TIMM21: variants seen among roughly 807,000 people sequenced by gnomAD.
TIMM21 encodes the protein translocase of inner mitochondrial membrane 21, also known as mitochondrial import inner membrane translocase subunit Tim21.
Under a neutral mutation model 27.7 loss-of-function variants are expected in TIMM21, and 30 were observed. That is an observed-to-expected ratio of 1.08 (90% CI 0.81 to 1.47). TIMM21 has a LOEUF of 1.47. TIMM21 is among the 40% of genes most tolerant of loss of function. The probability of loss-of-function intolerance (pLI) is 0.00; values close to 1 mark genes in which losing one functional copy is unlikely to be tolerated. For synonymous variants in TIMM21, 121 were observed against 114.4 expected (o/e 1.06, Z -0.37); for missense variants, 292 against 302.9 (o/e 0.96, Z 0.27).
At chr18:74,149,179 C>A in intron 1 of TIMM21, 70 bp downstream of exon 1, 1 of 1,499,984 alleles carries the variant, frequency 6.7e-7, no homozygotes, top group South Asian at 1.3e-5. Flanking sequence ...CCTTTTATAC[C>A]AAGTTCACTG....
intron 3 of TIMM21, chr18:74,157,596 T>G (rs1979984225): frequency 6.4e-6 from 1 of 156,128 alleles, no homozygotes; most frequent in Non-Finnish European, 1.4e-5. Flanking sequence ...TTTATTTGTT[T>G]GTTTGTTTGT....
In TIMM21 at chr18:74,151,947, C is replaced by T. The variant is rs553390725; in HGVS notation, c.301+2838C>T. ...CAGTGGTGTCTATGTTCCCCCCCCC[C>T]CCGGGGGGACCTCCAGCTCCTTCCG... On this transcript the variant is annotated intron_variant, in intron 1 of 5. Transcript: ENST00000169551. Among the ~76,000 whole-genome samples the T allele has an allele frequency of 1.6e-4, 24 of 147,390 alleles. 1 individual carries two copies. The South Asian group carries it at 2.4e-3, about 15-fold the overall frequency.
Position 74,158,231 on chromosome 18 carries a change from C to T in TIMM21, c.597C>T (p.Gly199=), listed in dbSNP as rs749813509. The T allele has an allele frequency of 6.2e-6, 10 of 1,614,114 alleles. No individual in the cohort carries two copies. The highest frequency in any genetic ancestry group is 8.5e-6 in the Non-Finnish European group (10 of 1,180,034). The change falls in exon 5 of 6, where the codon GGC becomes GGT. Residue 199 remains glycine (G), a synonymous_variant. Coordinates refer to ENST00000169551, the MANE Select transcript of TIMM21 (RefSeq NM_014177.3). ...CGTGTGTGAAATTCTACATTGAGGG[C>T]TCTGAGCCAGGGAAGCAAGGAACGG... The part of the protein sequence containing the change: ...KHTCVKFYIE[G]SEPGKQGTVY...
rs1277882621 is a variant in TIMM21 at position 74,158,082 on chromosome 18, T to C, written c.531T>C (p.His177=). Residue 177 remains histidine (H), a synonymous_variant, in exon 4 of 6, where the codon CAT becomes CAC. Coordinates refer to ENST00000169551, the MANE Select transcript of TIMM21 (RefSeq NM_014177.3). ...TGACAAGGCGGGGTCGCCGGCAGCA[T>C]GTCAGGTACTGTGGCTTGAATTCAG... ...GEVTRRGRRQ[H]VRFTEYVKDG... 8 of 1,614,084 alleles carry C rather than the reference T, an allele frequency of 5.0e-6. No individual in the cohort carries two copies. The highest frequency in any genetic ancestry group is 1.6e-4 in the Middle Eastern group (1 of 6,084).
At position 74,152,216 on chromosome 18, in the gene TIMM21, C is replaced by A. The variant is rs1465829165; in HGVS notation, c.302-2929C>A. Among the ~76,000 whole-genome samples the A allele has an allele frequency of 6.6e-6, 1 of 152,088 alleles. No homozygotes were observed. The highest frequency in any genetic ancestry group is 1.5e-5 in the Non-Finnish European group (1 of 67,970). On this transcript the variant is annotated intron_variant, in intron 1 of 5. Coordinates refer to ENST00000169551, the MANE Select transcript of TIMM21 (RefSeq NM_014177.3). This position sits in a 1 kb window ranked among gnomAD's most constrained non-coding sequence, Gnocchi z 4.1. ...TTACAACATTGACCTCAAGGGCCCC[C>A]TACCCAGCTTTAGGTTGCCTTTCCT...
At chr18:74,157,770 AT>A in intron 3 of TIMM21, 1 of 464,144 alleles carries the variant, frequency 2.2e-6, no homozygotes, top group Non-Finnish European at 3.8e-6. Context: ...TGATTTTTAT[AT>A]TTTTTAGTAG....
intron 1 of TIMM21, among the ~76,000 whole-genome samples, chr18:74,151,938 C>CTCCCCT (rs367622334): frequency 1.5e-5 from 1 of 67,308 alleles, no homozygotes; most frequent in African/African-American, 7.2e-5. Context: ...TGTCTATGTT[C>CTCCCCT]CCCCCCCCCC....
In TIMM21 at chr18:74,148,651, G is replaced by A. The variant is rs1979675925; in HGVS notation, c.-158G>A. ...ATCAGGTTCTCCCTGGAGACTTTTC[G>A]TTTTCATTTACGCTGCGGAAACTGA... On this transcript the variant is annotated 5_prime_UTR_variant, in exon 1 of 6. Transcript: ENST00000169551. 5 of 681,952 alleles carry A rather than the reference G, an allele frequency of 7.3e-6. No homozygotes were observed. In the South Asian group the frequency reaches 8.6e-5, roughly 12 times the overall value. 42.2% of individuals were successfully genotyped at this position (681,952 alleles called of 1,614,324 possible).
At position 74,155,531 on chromosome 18, in the gene TIMM21, G is replaced by A. The variant is rs116581614; in HGVS notation, c.462+128G>A. ...ATTCACATAATAATACATAATGGTC[G>A]AGTCATCATTACATTATTAGGTCTT... On this transcript the variant is annotated intron_variant, in intron 3 of 5. Coordinates refer to ENST00000169551, the MANE Select transcript of TIMM21 (RefSeq NM_014177.3). 7.6e-4 allele frequency: 562 copies of A among 742,034 alleles called. 2 individuals carry two copies. The African/African-American group carries it at 8.9e-3, about 12-fold the overall frequency. 46.0% of individuals were successfully genotyped at this position (742,034 alleles called of 1,614,324 possible). A position where few individuals can be genotyped will look rare whatever the true frequency, so the allele number is the denominator to read the frequency against.
chr18:74,153,255 G>A (rs988385763), intron 1 of TIMM21, among the ~76,000 whole-genome samples: 1 of 152,216 alleles, frequency 6.6e-6, no homozygotes, highest in Admixed American at 6.5e-5. Flanking sequence ...TGTAGAATAT[G>A]GAGAATATTT....
At chr18:74,150,091 C>T (rs1338281474) in intron 1 of TIMM21, among the ~76,000 whole-genome samples, 1 of 152,182 alleles carries the variant, frequency 6.6e-6, no homozygotes, top group African/African-American at 2.4e-5. Flanking sequence ...CAGTGTAGCC[C>T]CACGAGGTCG....
In TIMM21 at chr18:74,148,731, G is replaced by T; in HGVS notation, c.-78G>T. 1 of 1,422,682 alleles carries T rather than the reference G, an allele frequency of 7.0e-7. No homozygotes were observed. The allele number at this position is 1,422,682 out of a possible 1,614,324, so 88.1% of individuals were successfully genotyped here. ...AACGTATAGGCTTGAGTACGTGTCC[G>T]GCCGCATGTGTAGTGAACCCTAAAG... On this transcript the variant is annotated 5_prime_UTR_variant, in exon 1 of 6. Transcript: ENST00000169551.
intron 1 of TIMM21, among the ~76,000 whole-genome samples, chr18:74,151,947 C>CCCCG (rs1555682331): frequency 1.4e-5 from 2 of 147,390 alleles, no homozygotes; most frequent in East Asian, 2.0e-4. Context: ...TCCCCCCCCC[C>CCCCG]CCGGGGGGAC....
In TIMM21 at chr18:74,158,254, C is replaced by T. The variant is rs555411021; in HGVS notation, c.620C>T (p.Thr207Met). Residue 207 changes from threonine (T) to methionine (M), a missense_variant, in exon 5 of 6, where the codon ACG becomes ATG. Thr to Met is a moderately conservative substitution (Grantham distance 81, BLOSUM62 -1). Transcript: ENST00000169551. ...IEGSEPGKQG[T>M]VYAQVKENPG... ...GGCTCTGAGCCAGGGAAGCAAGGAA[C>T]GGTGTATGCGCAAGTGAAAGAGGTG... 38 of 1,614,058 alleles carry T rather than the reference C, an allele frequency of 2.4e-5. No individual in the cohort carries two copies. Among genetic ancestry groups the T allele is most frequent in the South Asian group, 4.4e-5 (4 of 91,068 alleles).
intron 1 of TIMM21, among the ~76,000 whole-genome samples, chr18:74,149,588 GA>G (rs111793268): frequency 4.0e-5 from 6 of 149,620 alleles, no homozygotes; most frequent in African/African-American, 1.2e-4. Flanking sequence ...TGATTTGTAG[GA>G]AAAAAAAAGA....
chr18:74,158,826 T>C lies in TIMM21; in HGVS notation c.*346T>C, dbSNP rs1980029893. 1 of 200,952 alleles carries C rather than the reference T, an allele frequency of 5.0e-6. No individual in the cohort carries two copies. The highest frequency in any genetic ancestry group is 1.0e-5 in the Non-Finnish European group (1 of 99,688). The allele number at this position is 200,952 out of a possible 1,614,324, so 12.4% of individuals were successfully genotyped here. ...TTATATTATAGAACTGCATAATGTC[T>C]GCAGAATAAAATTAAAACTAACAAA... is the stretch of plus-strand genomic sequence containing the variant. On this transcript the variant is annotated 3_prime_UTR_variant, in exon 6 of 6. Transcript: ENST00000169551.
rs778450706 is a variant in TIMM21 at position 74,158,014 on chromosome 18, G to C, written c.463G>C (p.Val155Leu). 9 of 1,614,168 alleles carry C rather than the reference G, an allele frequency of 5.6e-6. No homozygotes were observed. Among genetic ancestry groups the C allele is most frequent in the Non-Finnish European group, 6.8e-6 (8 of 1,180,014 alleles). Residue 155 changes from valine (V) to leucine (L), a missense_variant and splice_region_variant, in exon 4 of 6, where the codon GTG becomes CTG. Val to Leu is a conservative substitution (Grantham distance 32). Coordinates refer to ENST00000169551, the MANE Select transcript of TIMM21 (RefSeq NM_014177.3). ...ATAAAGCACTGTCCTTGTTCTGCAGGTGATCGGTGTCTTTGGTGAGTCTGT... is the reference window on the plus strand; with the variant it reads ...ATAAAGCACTGTCCTTGTTCTGCAGCTGATCGGTGTCTTTGGTGAGTCTGT... ...ALEKCRSHPE[V>L]IGVFGESVKG...
intron 3 of TIMM21, among the ~76,000 whole-genome samples, chr18:74,155,780 G>T (rs1192382345): frequency 6.6e-6 from 1 of 152,170 alleles, no homozygotes; most frequent in African/African-American, 2.4e-5. Context: ...ACTCTGCCCA[G>T]GGTCTCAGTG....
chr18:74,156,273 G>T, intron 3 of TIMM21: 1 of 398,622 alleles, frequency 2.5e-6, no homozygotes, highest in Non-Finnish European at 4.4e-6. Context: ...TAATGTCATA[G>T]CTCGCATTTG....
Sources: gnomAD v4.1 joint callset for allele counts (sites outside exome capture counted in the v4.1 genomes callset) on GRCh38, gnomAD v4.1.1 for gene constraint, Gnocchi (gnomAD v3.1) non-coding constraint, MANE v1.5 for transcripts, NCBI Gene and HGNC (gene_info 2026-07-23, HGNC 2026-07-21) for gene names.